The following WDR97 variants were observed in gnomAD, a reference collection of about 807,000 sequenced individuals.
WDR97 encodes the protein WD repeat domain 97.
WDR97 carries 111 observed loss-of-function variants against 65.4 expected under a neutral mutation model. The ratio of observed to expected loss-of-function variants is 1.70; its 90% CI spans 1.45 to 1.99. WDR97 has a LOEUF of 1.99. Among genes scored for constraint, WDR97 ranks in the 30% most tolerant of loss-of-function variants. The pLI is 0.00. For synonymous variants in WDR97, 802 were observed against 397.7 expected, an observed-to-expected ratio of 2.02 and a Z score of -12.10; for missense variants, 1,674 against 865.0, an observed-to-expected ratio of 1.94 and a Z score of -11.73.
rs1361463407 is a variant in WDR97, at chr8:144,111,146, C to T, written c.2350C>T (p.Pro784Ser). Reference protein sequence around the residue: ...APDVVDDPPLPLMSQESLTSA... With the variant: ...APDVVDDPPLSLMSQESLTSA... The stretch of plus-strand genomic sequence containing the variant: ...AGACGTGGTGGACGACCCTCCGCTG[C>T]CACTGATGAGCCAGGAGTCACTGAC... The change falls in exon 10 of 24, where the codon CCA (proline) becomes TCA (serine). Residue 784 changes from proline to serine, a missense_variant. By Grantham distance (74) the Pro-to-Ser change is moderately conservative (BLOSUM62 -1). Transcript: ENST00000323662. The T allele has an allele frequency of 2.8e-6, 2 of 702,854 alleles. No individual in the cohort carries two copies. Among genetic ancestry groups the T allele is most frequent in the South Asian group, 1.5e-5 (1 of 67,606 alleles). The allele number at this position is 702,854 out of a possible 1,614,324, so 43.5% of individuals were successfully genotyped here.
rs535866695 is a variant in WDR97, at chr8:144,111,127, G to C, written c.2331G>C (p.Val777=). Residue 777 remains valine (V), a synonymous_variant, in exon 10 of 24, where the codon GTG becomes GTC. Transcript: ENST00000323662. ...VKKMCRKAPD[V]VDDPPLPLMS... ...AGATGTGCCGGAAGGCCCCAGACGTGGTGGACGACCCTCCGCTGCCACTGA... is the reference window on the plus strand; with the variant it reads ...AGATGTGCCGGAAGGCCCCAGACGTCGTGGACGACCCTCCGCTGCCACTGA... 8.5e-6 allele frequency: 6 copies of C among 702,614 alleles called. No homozygotes were observed. In the African/African-American group the frequency reaches 8.7e-5, roughly 10 times the overall value. The allele number at this position is 702,614 out of a possible 1,614,324, so 43.5% of individuals were successfully genotyped here.
chr8:144,116,140 C>T lies in WDR97; in HGVS notation c.4716C>T (p.Ile1572=), dbSNP rs753626141. Residue 1572 remains isoleucine (I), a synonymous_variant, in exon 24 of 24, where the codon ATC becomes ATT. Transcript: ENST00000323662. ...CGGGCCGCACCCTGGACGGCCCCAT[C>T]CGGACGCTGAAGCTGCCGTTGCCGC... The part of the protein sequence containing the change: ...LCAGRTLDGP[I]RTLKLPLPRV... 7.6e-5 allele frequency: 53 copies of T among 699,758 alleles called. No individual in the cohort carries two copies. The highest frequency in any genetic ancestry group is 5.6e-4 in the South Asian group (38 of 67,314). The allele number at this position is 699,758 out of a possible 1,614,324, so 43.3% of individuals were successfully genotyped here. A position where few individuals can be genotyped will look rare whatever the true frequency, so the allele number is the denominator to read the frequency against.
rs1368300423 is a variant in WDR97, at chr8:144,117,999, G to C, written c.*1706G>C. On this transcript the variant is annotated 3_prime_UTR_variant, in exon 24 of 24. Transcript: ENST00000323662. ...AAGGAGGGTGGGAAAAGGTCAAAGA[G>C]AAAGATGCTGTTGTCTGAGTCTTGC... The C allele has an allele frequency of 6.6e-6, 1 of 152,212 alleles. No individual in the cohort carries two copies. Among genetic ancestry groups the C allele is most frequent in the African/African-American group, 2.4e-5 (1 of 41,450 alleles). 9.4% of individuals were successfully genotyped at this position (152,212 alleles called of 1,614,324 possible).
rs1170761249 is a variant in WDR97, at chr8:144,115,971, G to A, written c.4624G>A (p.Ala1542Thr). ...WYHPILRLQE[A>T]KPQRSARSAM... The stretch of plus-strand genomic sequence containing the variant: ...CCACCCCATCCTCCGGCTGCAGGAG[G>A]CCAAGCCGCAGAGGTCCGCGAGGTC... Residue 1542 changes from alanine to threonine, a missense_variant, in exon 23 of 24, where the codon GCC (alanine) becomes ACC (threonine). Coordinates refer to ENST00000323662, the MANE Select transcript of WDR97 (RefSeq NM_001316309.2). The A allele has an allele frequency of 4.3e-6, 3 of 700,992 alleles. No homozygotes were observed. Among genetic ancestry groups the A allele is most frequent in the Middle Eastern group, 2.7e-4 (1 of 3,638 alleles). 43.4% of individuals were successfully genotyped at this position (700,992 alleles called of 1,614,324 possible). A position where few individuals can be genotyped will look rare whatever the true frequency, so the allele number is the denominator to read the frequency against.
rs1455371089 is a variant in WDR97 at position 144,108,811 on chromosome 8, C to T, written c.745C>T (p.Leu249Phe). Reference sequence around the variant, plus strand: ...CCCGCCCCCGAGCCCAACAGGCAGGCTCATGCGTCTGGCTGTGGCGCCGGT... The same window carrying T: ...CCCGCCCCCGAGCCCAACAGGCAGGTTCATGCGTCTGGCTGTGGCGCCGGT... ...LHPPPSPTGR[L>F]MRLAVAPVPP... Residue 249 changes from leucine (L) to phenylalanine (F), a missense_variant, in exon 3 of 24, where the codon CTC becomes TTC. Transcript: ENST00000323662. 2 of 702,792 alleles carry T rather than the reference C, an allele frequency of 2.8e-6. No homozygotes were observed. Among genetic ancestry groups the T allele is most frequent in the South Asian group, 1.5e-5 (1 of 67,594 alleles). 43.5% of individuals were successfully genotyped at this position (702,792 alleles called of 1,614,324 possible).
At position 144,116,306 on chromosome 8, in the gene WDR97, C is replaced by A; in HGVS notation, c.*13C>A. The A allele has an allele frequency of 1.7e-6, 1 of 601,052 alleles. No homozygotes were observed. Among genetic ancestry groups the A allele is most frequent in the Non-Finnish European group, 3.0e-6 (1 of 334,080 alleles). The allele number at this position is 601,052 out of a possible 1,614,324, so 37.2% of individuals were successfully genotyped here. On this transcript the variant is annotated 3_prime_UTR_variant, in exon 24 of 24. Coordinates refer to ENST00000323662, the MANE Select transcript of WDR97 (RefSeq NM_001316309.2). ...CACCTACAGCTGACCGGACTGGTGGCCTCAGCCCGCCTGGCTCTGGGGCCT... is the reference window on the plus strand; with the variant it reads ...CACCTACAGCTGACCGGACTGGTGGACTCAGCCCGCCTGGCTCTGGGGCCT...
At position 144,118,044 on chromosome 8, in the gene WDR97, C is replaced by T. The variant is rs1224479199; in HGVS notation, c.*1751C>T. On this transcript the variant is annotated 3_prime_UTR_variant, in exon 24 of 24. Coordinates refer to ENST00000323662, the MANE Select transcript of WDR97 (RefSeq NM_001316309.2). ...TCTTGCCTCTGAGGCCTAAGTTCCC[C>T]AACATTATAACAAGGGATATGGGAG... 1 of 152,142 alleles carries T rather than the reference C, an allele frequency of 6.6e-6. No individual in the cohort carries two copies. Among genetic ancestry groups the T allele is most frequent in the Non-Finnish European group, 1.5e-5 (1 of 68,034 alleles). The allele number at this position is 152,142 out of a possible 1,614,324, so 9.4% of individuals were successfully genotyped here.
In WDR97 at chr8:144,109,158, G is replaced by T; in HGVS notation, c.988G>T (p.Val330Leu). ...TGACTGGCAGATCCGGATGGTGTTC[G>T]TGGGCCACACAGGTGCTCTGAGTTC... ...EADWQIRMVF[V>L]GHTGPVTAMT... Residue 330 changes from valine to leucine, a missense_variant, in exon 4 of 24, where the codon GTG (valine) becomes TTG (leucine). Coordinates refer to ENST00000323662, the MANE Select transcript of WDR97 (RefSeq NM_001316309.2). 1 of 702,922 alleles carries T rather than the reference G, an allele frequency of 1.4e-6. No individual in the cohort carries two copies. The highest frequency in any genetic ancestry group is 2.6e-6 in the Non-Finnish European group (1 of 385,000). 43.5% of individuals were successfully genotyped at this position (702,922 alleles called of 1,614,324 possible).
In WDR97 at chr8:144,108,090, G is replaced by A; in HGVS notation, c.144G>A (p.Leu48=). ...ELTFTEPSQV[L]PFLTSSQQWQ... ...CTTTCACGGAGCCGTCGCAGGTCCT[G>A]CCCTTTTTGACCAGCAGCCAACAGT... The change falls in exon 2 of 24, where the codon CTG becomes CTA. Residue 48 remains leucine (L), a synonymous_variant. Transcript: ENST00000323662. 1.4e-6 allele frequency: 1 copy of A among 702,766 alleles called. No individual in the cohort carries two copies. The highest frequency in any genetic ancestry group is 2.6e-6 in the Non-Finnish European group (1 of 384,994). 43.5% of individuals were successfully genotyped at this position (702,766 alleles called of 1,614,324 possible).
rs930238642 is a variant in WDR97 at position 144,110,097 on chromosome 8, G to T, written c.1701-17G>T. On this transcript the variant is annotated splice_polypyrimidine_tract_variant and intron_variant, in intron 5 of 23. Coordinates refer to ENST00000323662, the MANE Select transcript of WDR97 (RefSeq NM_001316309.2). ...GGAGCGGCAGGGTCCGCGCCAACAG[G>T]CTCTTCCCACTCGCAGGTACCTGCC... 42 of 701,428 alleles carry T rather than the reference G, an allele frequency of 6.0e-5. No individual in the cohort carries two copies. In the African/African-American group the frequency reaches 6.3e-4, roughly 11 times the overall value. 43.5% of individuals were successfully genotyped at this position (701,428 alleles called of 1,614,324 possible). A position where few individuals can be genotyped will look rare whatever the true frequency, so the allele number is the denominator to read the frequency against.
In WDR97 at chr8:144,109,598, C is replaced by G. The variant is rs1220710356; in HGVS notation, c.1264C>G (p.Pro422Ala). Residue 422 changes from proline to alanine, a missense_variant, in exon 5 of 24, where the codon CCC (proline) becomes GCC (alanine). Coordinates refer to ENST00000323662, the MANE Select transcript of WDR97 (RefSeq NM_001316309.2). ...RELYSPLAQL[P>A]AKVLHVQVAP... Reference sequence around the variant, plus strand: ...GCTCTACTCGCCGTTGGCGCAACTGCCCGCCAAGGTGCTCCACGTGCAGGT... The same window carrying G: ...GCTCTACTCGCCGTTGGCGCAACTGGCCGCCAAGGTGCTCCACGTGCAGGT... 1 of 689,818 alleles carries G rather than the reference C, an allele frequency of 1.4e-6. No homozygotes were observed. Among genetic ancestry groups the G allele is most frequent in the South Asian group, 1.5e-5 (1 of 66,626 alleles). The allele number at this position is 689,818 out of a possible 1,614,324, so 42.7% of individuals were successfully genotyped here.
In WDR97 at chr8:144,113,998, G is replaced by T. The variant is rs1331049913; in HGVS notation, c.3430G>T (p.Glu1144Ter). The T allele has an allele frequency of 1.4e-6, 1 of 702,644 alleles. No homozygotes were observed. Among genetic ancestry groups the T allele is most frequent in the South Asian group, 1.5e-5 (1 of 67,590 alleles). The allele number at this position is 702,644 out of a possible 1,614,324, so 43.5% of individuals were successfully genotyped here. Residue 1144 changes from glutamate (E) to a stop codon, truncating the protein, a stop_gained, in exon 18 of 24, where the codon GAG (glutamate) becomes TAG (stop). Coordinates refer to ENST00000323662, the MANE Select transcript of WDR97 (RefSeq NM_001316309.2). LOFTEE classifies it high-confidence loss of function. ...EDQSAVDWTQEPRRRSCKVAR... is the reference protein window; with the variant it reads ...EDQSAVDWTQ ...CTAGAGTGCTGTGGACTGGACCCAG[G>T]AGCCCCGGCGGCGCAGCTGCAAGGT...
chr8:144,109,021 T>C lies in WDR97; in HGVS notation c.879-28T>C, dbSNP rs376229406. ...CACACACAAGGCGATGTTAAGTCCA[T>C]TGGGATTCTCCCATTCCCCACCTGT... On this transcript the variant is annotated intron_variant, in intron 3 of 23. Transcript: ENST00000323662. 75 of 703,010 alleles carry C rather than the reference T, an allele frequency of 1.1e-4. No individual in the cohort carries two copies. In the African/African-American group the frequency reaches 1.2e-3, roughly 11 times the overall value. 43.5% of individuals were successfully genotyped at this position (703,010 alleles called of 1,614,324 possible).
At position 144,113,763 on chromosome 8, in the gene WDR97, G is replaced by A. The variant is rs1395268212; in HGVS notation, c.3290G>A (p.Gly1097Glu). The change falls in exon 17 of 24, where the codon GGG becomes GAG. Residue 1097 changes from glycine to glutamate, a missense_variant. Coordinates refer to ENST00000323662, the MANE Select transcript of WDR97 (RefSeq NM_001316309.2). ...QWMGEKPGEE[G>E]EEDKKEEEEE... ...ATGGGGGAGAAGCCTGGGGAGGAGG[G>A]GGAGGAAGACAAGAAGGAAGAGGAG... is the stretch of plus-strand genomic sequence containing the variant. 7 of 702,458 alleles carry A rather than the reference G, an allele frequency of 1.0e-5. No homozygotes were observed. Among genetic ancestry groups the A allele is most frequent in the African/African-American group, 1.7e-5 (1 of 57,268 alleles). 43.5% of individuals were successfully genotyped at this position (702,458 alleles called of 1,614,324 possible).
In WDR97 at chr8:144,110,670, TCAAA is replaced by T; in HGVS notation, c.2104_2107del (p.Lys702CysfsTer26). 1.4e-6 allele frequency: 1 copy of T among 702,850 alleles called. No homozygotes were observed. Among genetic ancestry groups the T allele is most frequent in the South Asian group, 1.5e-5 (1 of 67,604 alleles). 43.5% of individuals were successfully genotyped at this position (702,850 alleles called of 1,614,324 possible). A position where few individuals can be genotyped will look rare whatever the true frequency, so the allele number is the denominator to read the frequency against. On this transcript the variant is annotated frameshift_variant, in exon 8 of 24. Transcript: ENST00000323662. LOFTEE classifies it high-confidence loss of function. ...CCAGGCCTGTGCTGCTGCCCCACGC[TCAAA>T]CTGTATGCCTGCTCCAGCCTGGACT...
chr8:144,108,468 CAAGG>C lies in WDR97; in HGVS notation c.406_409del (p.Glu136ThrfsTer18), dbSNP rs1177469075. 2.9e-6 allele frequency: 2 copies of C among 700,406 alleles called. No individual in the cohort carries two copies. Among genetic ancestry groups the C allele is most frequent in the Non-Finnish European group, 5.2e-6 (2 of 384,094 alleles). 43.4% of individuals were successfully genotyped at this position (700,406 alleles called of 1,614,324 possible). On this transcript the variant is annotated frameshift_variant, in exon 3 of 24. Transcript: ENST00000323662. LOFTEE classifies it high-confidence loss of function. ...ACGGCGCGGGCCGCCTGCACCTGCA[CAAGG>C]AAGACGGCTGGGCACAGGAGACGCT...
At position 144,115,937 on chromosome 8, in the gene WDR97, C is replaced by T. The variant is rs1199271854; in HGVS notation, c.4596-6C>T. The T allele has an allele frequency of 2.1e-5, 15 of 701,222 alleles. No homozygotes were observed. The highest frequency in any genetic ancestry group is 3.4e-5 in the Non-Finnish European group (13 of 384,374). The allele number at this position is 701,222 out of a possible 1,614,324, so 43.4% of individuals were successfully genotyped here. On this transcript the variant is annotated splice_polypyrimidine_tract_variant and splice_region_variant and intron_variant, in intron 22 of 23. Coordinates refer to ENST00000323662, the MANE Select transcript of WDR97 (RefSeq NM_001316309.2). ...GGGCCAGCTGAACCCTCCTCTTTGC[C>T]TCCAGGTACCACCCCATCCTCCGGC...
Position 144,108,540 on chromosome 8 carries a change from C to T in WDR97, c.474C>T (p.Gly158=). ...TTACGGGGCTGGTGACCGTGCTGGG[C>T]CCGCTGGGTGCCGTGGGCCGTTTTG... is the stretch of plus-strand genomic sequence containing the variant. ...VRLTGLVTVL[G]PLGAVGRFVG... is the part of the protein sequence containing the mutation. Residue 158 remains glycine, a synonymous_variant, in exon 3 of 24, where the codon GGC becomes GGT. Coordinates refer to ENST00000323662, the MANE Select transcript of WDR97 (RefSeq NM_001316309.2). 1 of 701,018 alleles carries T rather than the reference C, an allele frequency of 1.4e-6. No homozygotes were observed. 43.4% of individuals were successfully genotyped at this position (701,018 alleles called of 1,614,324 possible). A position where few individuals can be genotyped will look rare whatever the true frequency, so the allele number is the denominator to read the frequency against.
chr8:144,113,072 C>T, intron 15 of WDR97: 1 of 390,790 alleles, frequency 2.6e-6, no homozygotes, highest in Non-Finnish European at 4.6e-6. Flanking sequence ...CTTCATTGCC[C>T]TTTCTCCAAG....
Sources: allele counts gnomAD v4.1 joint callset, GRCh38; gene constraint gnomAD v4.1.1; transcripts MANE v1.5; gene names NCBI Gene and HGNC (gene_info 2026-07-23, HGNC 2026-07-21).